Variants in KIF16B observed in about 807,000 individuals in gnomAD.
KIF16B encodes the protein kinesin-like protein KIF16B.
A neutral mutation model predicts 156.3 loss-of-function variants in KIF16B; 98 were observed. The ratio of observed to expected loss-of-function variants is 0.63; its 90% CI spans 0.53 to 0.74. The LOEUF (loss-of-function observed/expected upper bound fraction) is 0.74, where lower values mean the gene tolerates loss of function less well. KIF16B is among the 30% of genes least tolerant of loss of function. KIF16B has a pLI of 0.00. For synonymous variants in KIF16B, 564 were observed against 583.7 expected, an observed-to-expected ratio of 0.97 and a Z score of 0.49; for missense variants, 1,421 against 1,606.5, an observed-to-expected ratio of 0.88 and a Z score of 1.97.
At chr20:16,374,097 T>C (rs536246488) in intron 20 of KIF16B, among the ~76,000 whole-genome samples, 160 bp downstream of exon 20, 1 of 152,302 alleles carries the variant, frequency 6.6e-6, no homozygotes, top group East Asian at 1.9e-4. Flanking sequence ...ACCCTACCAC[T>C]GGCAGGCCAA....
chr20:16,485,250 A>C (rs2068083061), intron 12 of KIF16B, among the ~76,000 whole-genome samples: 1 of 152,188 alleles, frequency 6.6e-6, no homozygotes, highest in South Asian at 2.1e-4. Context: ...GCATGAGTGA[A>C]GGCAGGAGAA....
chr20:16,480,215 C>A (rs1385333523), intron 12 of KIF16B, among the ~76,000 whole-genome samples: 1 of 152,100 alleles, frequency 6.6e-6, no homozygotes, highest in East Asian at 1.9e-4. Flanking sequence ...AAAACAAAAA[C>A]CCAGAAACAA....
chr20:16,557,702 G>A (rs994984853), intron 1 of KIF16B, among the ~76,000 whole-genome samples: 1 of 152,164 alleles, frequency 6.6e-6, no homozygotes, highest in Non-Finnish European at 1.5e-5. Flanking sequence ...TCCTCCACTC[G>A]AAGCCCAGGC....
chr20:16,479,582 C>T (rs1001946406), intron 12 of KIF16B, among the ~76,000 whole-genome samples: 5 of 152,092 alleles, frequency 3.3e-5, no homozygotes, highest in Non-Finnish European at 5.9e-5. Context: ...CACTACATAA[C>T]GTTTCAGTCA....
chr20:16,382,115 T>C, intron 17 of KIF16B: 4 of 1,354,636 alleles, frequency 3.0e-6, no homozygotes, highest in Non-Finnish European at 3.9e-6. Flanking sequence ...AGATGGGTCC[T>C]TTTATAGGGA....
chr20:16,568,240 AG>A lies in KIF16B; in HGVS notation c.47+4988del, dbSNP rs1010615552. Among the ~76,000 whole-genome samples the A allele has an allele frequency of 9.2e-5, 14 of 151,906 alleles. No homozygotes were observed. The Admixed American group carries it at 9.2e-4, about 10-fold the overall frequency. Reference sequence around the variant, plus strand: ...GAGAGGCTAATCAGGAAGAAAGGCTAGGAACAGTCAGAAAAGAGAAAGAATG... The same window carrying A: ...GAGAGGCTAATCAGGAAGAAAGGCTAGAACAGTCAGAAAAGAGAAAGAATG... On this transcript the variant is annotated intron_variant, in intron 1 of 25. Transcript: ENST00000354981.
chr20:16,331,598 C>A (rs1234737095), intron 24 of KIF16B, among the ~76,000 whole-genome samples: 2 of 152,136 alleles, frequency 1.3e-5, no homozygotes, highest in Non-Finnish European at 2.9e-5. Flanking sequence ...CATTTTGTTA[C>A]CCTTGCAATT....
In KIF16B at chr20:16,361,752, T is replaced by G. The variant is rs73597765; in HGVS notation, c.3499-5300A>C. Among the ~76,000 whole-genome samples, 603 of 152,322 alleles carry G rather than the reference T, an allele frequency of 4.0e-3. 8 individuals are homozygous for G. The East Asian group carries it at 0.058, about 15-fold the overall frequency. On this transcript the variant is annotated intron_variant, in intron 22 of 25. Coordinates refer to ENST00000354981, the MANE Select transcript of KIF16B (RefSeq NM_024704.5). ...TGGTACTTGTAGAATATCTTAAGTT[T>G]AGCGGCCTTTGGATAACTCCAAAAG...
At chr20:16,550,294 T>A (rs1303426589) in intron 1 of KIF16B, among the ~76,000 whole-genome samples, 2 of 150,840 alleles carry the variant, frequency 1.3e-5, no homozygotes, top group Admixed American at 6.6e-5. Context: ...AAAACCACTA[T>A]GAGATACCAT....
At chr20:16,469,872 C>T (rs991226603) in intron 12 of KIF16B, among the ~76,000 whole-genome samples, 6 of 152,046 alleles carry the variant, frequency 3.9e-5, no homozygotes, top group Admixed American at 6.5e-5. Flanking sequence ...AACCTAAACA[C>T]GGATGCGTAC....
At chr20:16,491,150 G>A (rs2068278042) in intron 12 of KIF16B, among the ~76,000 whole-genome samples, 1 of 152,154 alleles carries the variant, frequency 6.6e-6, no homozygotes, top group African/African-American at 2.4e-5. Flanking sequence ...TAGAGGAACG[G>A]AAAGGGGACA....
At chr20:16,372,836 T>C (rs868839775) in intron 20 of KIF16B, among the ~76,000 whole-genome samples, 5 of 152,288 alleles carry the variant, frequency 3.3e-5, no homozygotes, top group Middle Eastern at 3.4e-3. Context: ...TAGCTGGGAT[T>C]ACAGGCACCC....
intron 25 of KIF16B, among the ~76,000 whole-genome samples, chr20:16,286,767 G>C (rs1360330561): frequency 6.6e-6 from 1 of 152,186 alleles, no homozygotes; most frequent in Non-Finnish European, 1.5e-5. Flanking sequence ...TGGGACAGTG[G>C]TACGTGTGAT....
intron 1 of KIF16B, among the ~76,000 whole-genome samples, chr20:16,559,605 C>CG (rs555484149): frequency 6.8e-6 from 1 of 148,106 alleles, no homozygotes; most frequent in Non-Finnish European, 1.5e-5. Context: ...CCCATCTCTA[C>CG]AAAAAAAAAA....
At chr20:16,542,758 T>C (rs1006950302) in intron 1 of KIF16B, among the ~76,000 whole-genome samples, 1 of 152,214 alleles carries the variant, frequency 6.6e-6, no homozygotes, top group Admixed American at 6.5e-5. Flanking sequence ...GGCCAAATCA[T>C]GCCAGTTCTT....
At chr20:16,330,066 C>T (rs2063921234) in intron 24 of KIF16B, among the ~76,000 whole-genome samples, 1 of 152,044 alleles carries the variant, frequency 6.6e-6, no homozygotes, top group African/African-American at 2.4e-5. Flanking sequence ...TTGCTTTTCC[C>T]CTGCTCTCAA....
chr20:16,364,405 T>C (rs2064614973), intron 22 of KIF16B, among the ~76,000 whole-genome samples: 1 of 152,216 alleles, frequency 6.6e-6, no homozygotes, highest in African/African-American at 2.4e-5. Context: ...AACCAAGATG[T>C]ATGCGTCTAT....
At position 16,526,102 on chromosome 20, in the gene KIF16B, G is replaced by T; in HGVS notation, c.221C>A (p.Ser74Ter). ...GAAAATATCATATACCATTTCTTGT[G>T]AAACGTAATCTGGGCTTTTTGTATC... Reference protein sequence around the residue: ...SADTKSPDYVSQEMVFKTLGT... With the variant: ...SADTKSPDYV The change falls in exon 3 of 26, where the codon TCA becomes TAA. Residue 74 changes from serine (S) to a stop codon, truncating the protein, a stop_gained. Coordinates refer to ENST00000354981, the MANE Select transcript of KIF16B (RefSeq NM_024704.5). LOFTEE classifies it high-confidence loss of function. 1 of 1,572,858 alleles carries T rather than the reference G, an allele frequency of 6.4e-7. No individual in the cohort carries two copies. Among genetic ancestry groups the T allele is most frequent in the Non-Finnish European group, 8.7e-7 (1 of 1,150,988 alleles).
intron 12 of KIF16B, among the ~76,000 whole-genome samples, chr20:16,430,930 T>TAA (rs57529248): frequency 6.7e-6 from 1 of 150,028 alleles, no homozygotes; most frequent in African/African-American, 2.5e-5. Context: ...TTTAACACAT[T>TAA]AAAAAAAACA....
Sources: allele counts gnomAD v4.1 joint callset (sites outside exome capture counted in the v4.1 genomes callset), GRCh38; gene constraint gnomAD v4.1.1; transcripts MANE v1.5; gene names NCBI Gene and HGNC (gene_info 2026-07-23, HGNC 2026-07-21).